The following KCNIP1 variants were observed in gnomAD, a reference collection of about 807,000 sequenced individuals.
The protein encoded by KCNIP1 is A-type potassium channel modulatory protein KCNIP1.
KCNIP1 carries 18 observed loss-of-function variants against 33.0 expected under a neutral mutation model. The ratio of observed to expected loss-of-function variants is 0.55; its 90% confidence interval spans 0.38 to 0.81. KCNIP1 has a LOEUF of 0.81. KCNIP1 is among the 30% of genes least tolerant of loss of function. The pLI, the probability that KCNIP1 is intolerant of heterozygous loss-of-function variation, is 0.00. For missense variants in KCNIP1, 238 were observed against 271.6 expected (o/e 0.88, Z 0.87); for synonymous variants, 93 against 98.3 (o/e 0.95, Z 0.32).
At chr5:170,638,123 G>A (rs1287109221) in intron 1 of KCNIP1, among the ~76,000 whole-genome samples, 1 of 152,172 alleles carries the variant, frequency 6.6e-6, no homozygotes, top group Admixed American at 6.5e-5. Flanking sequence ...GGCATTGCCA[G>A]ATTGATAGTC....
At chr5:170,649,280 A>G (rs1415416645) in intron 1 of KCNIP1, among the ~76,000 whole-genome samples, 1 of 152,238 alleles carries the variant, frequency 6.6e-6, no homozygotes, top group Non-Finnish European at 1.5e-5. Flanking sequence ...TGAATGAATA[A>G]ACTCATTTTA....
At chr5:170,572,193 C>A (rs771331041) in intron 1 of KCNIP1, among the ~76,000 whole-genome samples, 2 of 152,160 alleles carry the variant, frequency 1.3e-5, no homozygotes, top group African/African-American at 2.4e-5. Context: ...AGCTGGAAAT[C>A]GACTGTATGC....
chr5:170,595,635 C>A (rs760211867), intron 1 of KCNIP1, among the ~76,000 whole-genome samples: 4 of 152,204 alleles, frequency 2.6e-5, no homozygotes, highest in South Asian at 2.1e-4. Flanking sequence ...AAAACAAGCA[C>A]CTATTGATCA....
chr5:170,465,564 A>G (rs978451473), intron 1 of KCNIP1, among the ~76,000 whole-genome samples: 4 of 152,212 alleles, frequency 2.6e-5, no homozygotes, highest in Non-Finnish European at 5.9e-5. Context: ...GAAACAAAAA[A>G]ATAGATACTT....
At position 170,504,389 on chromosome 5, in the gene KCNIP1, G is replaced by C; in HGVS notation, c.-184G>C. ...AGCCCTGAGTCCCTGCATGTGCGGG[G>C]CTGAAGAAGGAAGCCAGAAGCCTCC... On this transcript the variant is annotated 5_prime_UTR_variant, in exon 1 of 8. Transcript: ENST00000328939. The surrounding 1 kb of genome is among the most constrained non-coding windows in gnomAD (Gnocchi z 6.0). 5 of 1,438,424 alleles carry C rather than the reference G, an allele frequency of 3.5e-6. No homozygotes were observed. In the South Asian group the frequency reaches 7.4e-5, roughly 21 times the overall value. 89.1% of individuals were successfully genotyped at this position (1,438,424 alleles called of 1,614,324 possible).
chr5:170,586,548 T>C (rs569807964), intron 1 of KCNIP1, among the ~76,000 whole-genome samples: 8 of 152,310 alleles, frequency 5.3e-5, no homozygotes, highest in African/African-American at 1.9e-4. Flanking sequence ...CCCTGCCGGG[T>C]CCATGCCACA....
chr5:170,587,840 G>T (rs532599768), intron 1 of KCNIP1, among the ~76,000 whole-genome samples: 1 of 152,338 alleles, frequency 6.6e-6, no homozygotes, highest in African/African-American at 2.4e-5. Context: ...AGCTTCTGGG[G>T]ATTAGGACAT....
At chr5:170,512,975 A>G (rs2113273189) in intron 1 of KCNIP1, among the ~76,000 whole-genome samples, 1 of 151,992 alleles carries the variant, frequency 6.6e-6, no homozygotes, top group Non-Finnish European at 1.5e-5. Flanking sequence ...GCGTGAACCC[A>G]GGAGGTGGAG....
chr5:170,651,113 C>G (rs773820959), intron 1 of KCNIP1, among the ~76,000 whole-genome samples: 59 of 152,274 alleles, frequency 3.9e-4, no homozygotes, highest in Non-Finnish European at 7.2e-4. Context: ...ATTCTTGGCT[C>G]TTAGGGGACA....
At chr5:170,674,128 T>G in intron 1 of KCNIP1, among the ~76,000 whole-genome samples, 1 of 99,730 alleles carries the variant, frequency 1.0e-5, no homozygotes, top group African/African-American at 4.4e-5. Flanking sequence ...AGGAAAGCAA[T>G]GAGGAAGGAA....
At chr5:170,359,937 C>T (rs1763457830) in intron 1 of KCNIP1, among the ~76,000 whole-genome samples, 1 of 152,206 alleles carries the variant, frequency 6.6e-6, no homozygotes, top group Admixed American at 6.5e-5. Flanking sequence ...TGTTCAGGGC[C>T]ATTTATCCTG....
At chr5:170,526,972 T>C (rs528072219) in intron 1 of KCNIP1, among the ~76,000 whole-genome samples, 1 of 152,174 alleles carries the variant, frequency 6.6e-6, no homozygotes, top group African/African-American at 2.4e-5. Flanking sequence ...ATCTGCCCAC[T>C]TCTGCCTCCC....
At chr5:170,356,079 A>G (rs866713886) in intron 1 of KCNIP1, among the ~76,000 whole-genome samples, 2 of 152,246 alleles carry the variant, frequency 1.3e-5, no homozygotes. Context: ...GGCTGGGAGC[A>G]GGGTAGCTGA....
chr5:170,688,016 G>A (rs1581502052), intron 1 of KCNIP1, among the ~76,000 whole-genome samples: 1 of 72,740 alleles, frequency 1.4e-5, no homozygotes, highest in African/African-American at 1.2e-4. Flanking sequence ...AAATATGACT[G>A]TATTATAATA....
intron 1 of KCNIP1, among the ~76,000 whole-genome samples, chr5:170,484,647 A>C: frequency 6.7e-6 from 1 of 149,236 alleles, no homozygotes; most frequent in African/African-American, 2.5e-5. Flanking sequence ...TCCTCTCAAC[A>C]TGTCCTTCTC....
intron 1 of KCNIP1, among the ~76,000 whole-genome samples, chr5:170,559,813 T>A (rs1756970466): frequency 6.6e-6 from 1 of 152,170 alleles, no homozygotes; most frequent in Non-Finnish European, 1.5e-5. Context: ...TGCCTCAAGG[T>A]AGGCAGATGC....
At chr5:170,460,528 G>A (rs544120671) in intron 1 of KCNIP1, among the ~76,000 whole-genome samples, 1 of 152,108 alleles carries the variant, frequency 6.6e-6, no homozygotes, top group South Asian at 2.1e-4. Context: ...TGCAGGGAGG[G>A]TTTAACATAT....
intron 1 of KCNIP1, among the ~76,000 whole-genome samples, chr5:170,569,714 A>G (rs1377658901): frequency 6.6e-6 from 1 of 152,080 alleles, no homozygotes; most frequent in East Asian, 1.9e-4. Flanking sequence ...AATGCCCTCC[A>G]GCCTGGGAGA....
At chr5:170,510,458 C>T (rs972547670) in intron 1 of KCNIP1, among the ~76,000 whole-genome samples, 2 of 152,098 alleles carry the variant, frequency 1.3e-5, no homozygotes, top group African/African-American at 4.8e-5. Context: ...CAGGTCTGCT[C>T]CTGGGGAGAA....
Sources: gnomAD v4.1 joint callset for allele counts (sites outside exome capture counted in the v4.1 genomes callset) on GRCh38, gnomAD v4.1.1 for gene constraint, Gnocchi (gnomAD v3.1) non-coding constraint, MANE v1.5 for transcripts, NCBI Gene and HGNC (gene_info 2026-07-23, HGNC 2026-07-21) for gene names.